TAB3: variants seen among roughly 807,000 people sequenced by gnomAD.
TAB3 encodes the protein TGF-beta activated kinase 1 (MAP3K7) binding protein 3.
A neutral mutation model predicts 48.1 loss-of-function variants in TAB3; 18 were observed. That is an observed-to-expected ratio of 0.37 (90% confidence interval 0.26 to 0.55). TAB3 has a LOEUF of 0.55. Ranked by LOEUF, TAB3 falls within the 20% of genes least tolerant of loss-of-function variation. The pLI is 0.78. For synonymous variants in TAB3, 185 were observed against 190.2 expected (o/e 0.97, Z 0.22); for missense variants, 414 against 549.8 (o/e 0.75, Z 2.47).
chrX:30,840,590 G>C (rs1306756539), intron 9 of TAB3, among the ~76,000 whole-genome samples: 1 of 111,085 alleles, frequency 9.0e-6, no homozygotes, highest in African/African-American at 3.3e-5. Flanking sequence ...TGAATCATGG[G>C]GGCAGGTCTT....
At chrX:30,876,292 T>G (rs1939831001) in intron 1 of TAB3, among the ~76,000 whole-genome samples, 1 of 112,128 alleles carries the variant, frequency 8.9e-6, no homozygotes, top group Non-Finnish European at 1.9e-5. Context: ...CAAATGATTT[T>G]TCAAATAATT....
At position 30,846,649 on chromosome X, in the gene TAB3, T is replaced by C; in HGVS notation, c.1711-5A>G. 8.7e-7 allele frequency: 1 copy of C among 1,150,471 alleles called. No homozygotes were observed. Among genetic ancestry groups the C allele is most frequent in the Non-Finnish European group, 1.2e-6 (1 of 848,965 alleles). The allele number at this position is 1,150,471 out of a possible 1,213,427, so 94.8% of individuals were successfully genotyped here. On this transcript the variant is annotated splice_region_variant and splice_polypyrimidine_tract_variant and intron_variant, in intron 7 of 10. Coordinates refer to ENST00000288422, the MANE Select transcript of TAB3 (RefSeq NM_152787.5). ...CAATCTTGTCATTTCCTCAGGCTAG[T>C]AAGAAAGGACCCAAAATAGCAATTG...
At chrX:30,879,850 T>C (rs1392814199) in intron 1 of TAB3, among the ~76,000 whole-genome samples, 1 of 111,653 alleles carries the variant, frequency 9.0e-6, no homozygotes, top group Non-Finnish European at 1.9e-5. Context: ...ATACATACTC[T>C]AAAGATATAT....
chrX:30,845,495 T>C (rs1192601387), intron 8 of TAB3: 2 of 112,101 alleles, frequency 1.8e-5, no homozygotes, highest in African/African-American at 6.5e-5. Flanking sequence ...ATAGAGTCTC[T>C]GTTGCAAGTA....
intron 8 of TAB3, chrX:30,846,038 G>C: frequency 9.8e-7 from 1 of 1,015,614 alleles, no homozygotes; most frequent in Non-Finnish European, 1.3e-6. Flanking sequence ...TTGGGTAAAT[G>C]AAAGTTTAAG....
chrX:30,855,249 G>A lies in TAB3; in HGVS notation c.416C>T (p.Pro139Leu). 8.3e-7 allele frequency: 1 copy of A among 1,211,745 alleles called. No homozygotes were observed. The highest frequency in any genetic ancestry group is 3.0e-5 in the East Asian group (1 of 33,839). Residue 139 changes from proline to leucine, a missense_variant, in exon 6 of 11, where the codon CCA becomes CTA. By Grantham distance (98) the Pro-to-Leu change is moderately conservative. Coordinates refer to ENST00000288422, the MANE Select transcript of TAB3 (RefSeq NM_152787.5). ...AVVAATPNYN[P>L]FFMNEQNRSA... ...TCTGTTCTGTTCGTTCATAAAAAAT[G>A]GATTGTAGTTGGGAGTAGCAGCAAC...
chrX:30,852,977 T>C (rs370782356), intron 6 of TAB3, 39 bp from the exon 7 acceptor site: 14 of 1,185,475 alleles, frequency 1.2e-5, no homozygotes, highest in South Asian at 7.4e-5. Flanking sequence ...GAGAACAACA[T>C]TGAACAAGCG....
At position 30,876,177 on chromosome X, in the gene TAB3, T is replaced by C. The variant is rs958625937; in HGVS notation, c.-382-4376A>G. On this transcript the variant is annotated intron_variant, in intron 1 of 10. Transcript: ENST00000288422. ...CATCTGGTTGGCCCAGGAAGGTCTC[T>C]AAAGCTGAGATTTGATTAAGCAACT... Among the ~76,000 whole-genome samples, 9 of 112,076 alleles carry C rather than the reference T, an allele frequency of 8.0e-5. No individual in the cohort carries two copies. In the East Asian group the frequency reaches 2.2e-3, roughly 28 times the overall value.
chrX:30,853,994 G>T, intron 6 of TAB3, 122 bp downstream of exon 6: 1 of 846,287 alleles, frequency 1.2e-6, no homozygotes, highest in Non-Finnish European at 1.6e-6. Context: ...ATTCTTAATA[G>T]CAATGCTACT....
chrX:30,843,129 A>C (rs1052778246), intron 8 of TAB3, 80 bp from the exon 9 acceptor site: 29 of 533,553 alleles, frequency 5.4e-5, no homozygotes, highest in Non-Finnish European at 7.8e-5. Flanking sequence ...AAAATATGTA[A>C]ATAAAACACA....
Position 30,878,288 on chromosome X carries a change from C to T in TAB3, c.-382-6487G>A, listed in dbSNP as rs893646291. Among the ~76,000 whole-genome samples, 6 of 110,486 alleles carry T rather than the reference C, an allele frequency of 5.4e-5. 1 individual carries two copies. ...GGTGAATCACTTGAGGTCAGGAGTT[C>T]GAGACCAGTCTGGTCAACATGGTGA... On this transcript the variant is annotated intron_variant, in intron 1 of 10. Coordinates refer to ENST00000288422, the MANE Select transcript of TAB3 (RefSeq NM_152787.5).
rs1327976269 is a variant in TAB3 at position 30,885,395 on chromosome X, C to T, written c.-383+3719G>A. On this transcript the variant is annotated intron_variant, in intron 1 of 10. Coordinates refer to ENST00000288422, the MANE Select transcript of TAB3 (RefSeq NM_152787.5). ...TCTACAGGAAAATCAATTTAGCATT[C>T]CAACTTAGGATAACAGCAACTACTC... Among the ~76,000 whole-genome samples the T allele has an allele frequency of 2.7e-5, 3 of 112,065 alleles. No homozygotes were observed. The Admixed American group carries it at 2.8e-4, about 11-fold the overall frequency.
intron 9 of TAB3, among the ~76,000 whole-genome samples, chrX:30,839,736 C>T (rs1938352840): frequency 9.2e-6 from 1 of 109,078 alleles, no homozygotes; most frequent in East Asian, 2.9e-4. Context: ...AATGAAAAAA[C>T]AAAAAAGAAA....
In TAB3 at chrX:30,846,649, T is replaced by G; in HGVS notation, c.1711-5A>C. The G allele has an allele frequency of 8.7e-7, 1 of 1,150,472 alleles. No individual in the cohort carries two copies. Among genetic ancestry groups the G allele is most frequent in the Non-Finnish European group, 1.2e-6 (1 of 848,965 alleles). 94.8% of individuals were successfully genotyped at this position (1,150,472 alleles called of 1,213,427 possible). A position where few individuals can be genotyped will look rare whatever the true frequency, so the allele number is the denominator to read the frequency against. On this transcript the variant is annotated splice_region_variant and splice_polypyrimidine_tract_variant and intron_variant, in intron 7 of 10. Transcript: ENST00000288422. ...CAATCTTGTCATTTCCTCAGGCTAGTAAGAAAGGACCCAAAATAGCAATTG... is the reference window on the plus strand; with the variant it reads ...CAATCTTGTCATTTCCTCAGGCTAGGAAGAAAGGACCCAAAATAGCAATTG...
intron 4 of TAB3, among the ~76,000 whole-genome samples, chrX:30,865,884 T>C (rs1266054249): frequency 8.9e-6 from 1 of 112,355 alleles, no homozygotes; most frequent in Non-Finnish European, 1.9e-5. Context: ...GCATAACAAA[T>C]GGTCTTTTAC....
intron 5 of TAB3, among the ~76,000 whole-genome samples, 183 bp downstream of exon 5, chrX:30,859,304 C>G (rs781290025): frequency 4.3e-4 from 46 of 108,004 alleles, no homozygotes; most frequent in Non-Finnish European, 6.3e-4. Flanking sequence ...ACTCCCACAA[C>G]AGAGAATTAT....
intron 1 of TAB3, among the ~76,000 whole-genome samples, chrX:30,875,444 G>T (rs1428664937): frequency 9.1e-6 from 1 of 109,901 alleles, no homozygotes; most frequent in Non-Finnish European, 1.9e-5. Flanking sequence ...TTCTCATATG[G>T]CAGAAATCTA....
intron 2 of TAB3, among the ~76,000 whole-genome samples, chrX:30,870,558 GAGGAAAGC>G (rs1939635890): frequency 8.9e-6 from 1 of 112,229 alleles, no homozygotes; most frequent in Non-Finnish European, 1.9e-5. Context: ...AAGGAGAGCT[GAGGAAAGC>G]TTCAGGGAAG....
intron 10 of TAB3, 103 bp from the exon 11 acceptor site, chrX:30,831,678 G>C (rs1938037000): frequency 2.2e-6 from 2 of 907,289 alleles, no homozygotes; most frequent in Non-Finnish European, 3.0e-6. Flanking sequence ...AATCAAGGGA[G>C]GTAATTGCCT....
Sources: gnomAD v4.1 joint callset for allele counts (sites outside exome capture counted in the v4.1 genomes callset) on GRCh38, gnomAD v4.1.1 for gene constraint, MANE v1.5 for transcripts, NCBI Gene and HGNC (gene_info 2026-07-23, HGNC 2026-07-21) for gene names.